PACSIN2: variants seen among roughly 807,000 people sequenced by gnomAD.
PACSIN2 encodes the protein protein kinase C and casein kinase substrate in neurons 2.
A neutral mutation model predicts 63.8 loss-of-function variants in PACSIN2; 25 were observed. The ratio of observed to expected loss-of-function variants is 0.39; its 90% CI spans 0.29 to 0.55. The LOEUF (loss-of-function observed/expected upper bound fraction) is 0.55, where lower values mean the gene tolerates loss of function less well. Ranked by LOEUF, PACSIN2 falls within the 20% of genes least tolerant of loss-of-function variation. The probability of loss-of-function intolerance (pLI) is 0.62; values close to 1 mark genes in which losing one functional copy is unlikely to be tolerated. For synonymous variants in PACSIN2, 255 were observed against 256.2 expected, an observed-to-expected ratio of 1.00 and a Z score of 0.05; for missense variants, 518 against 646.9, an observed-to-expected ratio of 0.80 and a Z score of 2.16.
At chr22:42,982,887 A>AAAAAAAACAAAC (rs200348918) in intron 1 of PACSIN2, among the ~76,000 whole-genome samples, 1 of 129,498 alleles carries the variant, frequency 7.7e-6, no homozygotes, top group Non-Finnish European at 1.7e-5. Context: ...AAAAAAAAAA[A>AAAAAAAACAAAC]AAACAACAAC....
At chr22:42,907,735 CA>C in intron 2 of PACSIN2, among the ~76,000 whole-genome samples, 1 of 152,412 alleles carries the variant, frequency 6.6e-6, no homozygotes, top group East Asian at 1.9e-4. Context: ...GCTCTCCATA[CA>C]ACGCTGGCTC....
At chr22:42,953,372 G>C (rs1601572063) in intron 1 of PACSIN2, among the ~76,000 whole-genome samples, 1 of 152,070 alleles carries the variant, frequency 6.6e-6, no homozygotes, top group African/African-American at 2.4e-5. Flanking sequence ...AATCTCACCA[G>C]AAGAACTACA....
At chr22:42,943,871 T>C (rs113791360) in intron 1 of PACSIN2, among the ~76,000 whole-genome samples, 2 of 152,088 alleles carry the variant, frequency 1.3e-5, no homozygotes, top group Admixed American at 6.5e-5. Flanking sequence ...CAATACAATA[T>C]AGAAAGCAAA....
intron 2 of PACSIN2, among the ~76,000 whole-genome samples, chr22:42,911,572 T>C (rs1016746792): frequency 6.6e-6 from 1 of 152,238 alleles, no homozygotes; most frequent in African/African-American, 2.4e-5. Flanking sequence ...TCCAGCAAGT[T>C]TGAAGGCATT....
intron 1 of PACSIN2, among the ~76,000 whole-genome samples, chr22:42,926,853 A>G (rs1400340262): frequency 6.6e-6 from 1 of 152,112 alleles, no homozygotes; most frequent in East Asian, 1.9e-4. Context: ...TTAAAAAAAA[A>G]AAAATGCTTG....
chr22:42,882,220 G>A lies in PACSIN2; in HGVS notation c.870C>T (p.His290=), dbSNP rs200478218. The A allele has an allele frequency of 2.3e-4, 366 of 1,613,920 alleles. No individual in the cohort carries two copies. Among genetic ancestry groups the A allele is most frequent in the Admixed American group, 5.0e-4 (30 of 60,002 alleles). ...GCCAGTTCATGGCCATGCCCGGCCC[G>A]TGATTGGCTCGGAACCACCTCAGGT... ...VEDLRWFRAN[H]GPGMAMNWPQ... The change falls in exon 7 of 11, where the codon CAC becomes CAT. Residue 290 remains histidine (H), a synonymous_variant. Coordinates refer to ENST00000263246, the MANE Select transcript of PACSIN2 (RefSeq NM_001184970.3).
Position 42,904,506 on chromosome 22 carries a change from G to A in PACSIN2, c.60+7515C>T, listed in dbSNP as rs141578769. The stretch of plus-strand genomic sequence containing the variant: ...GATCACCTGCCCGGTCCCTAAGCTC[G>A]CTGAAGACCTGAGGCTTTTGGCAGA... On this transcript the variant is annotated intron_variant, in intron 2 of 10. Transcript: ENST00000263246. 5.3e-3 allele frequency among the ~76,000 whole-genome samples: 808 copies of A among 152,318 alleles called. 5 individuals carry two copies. Among genetic ancestry groups the A allele is most frequent in the African/African-American group, 0.018 (768 of 41,568 alleles).
chr22:42,891,984 G>A (rs1159725504), intron 3 of PACSIN2, among the ~76,000 whole-genome samples: 1 of 152,190 alleles, frequency 6.6e-6, no homozygotes, highest in Non-Finnish European at 1.5e-5. Context: ...GCACAAGCTT[G>A]AGAACACTGT....
intron 2 of PACSIN2, among the ~76,000 whole-genome samples, chr22:42,893,823 G>T (rs965211267): frequency 1.3e-5 from 2 of 152,112 alleles, no homozygotes; most frequent in Non-Finnish European, 2.9e-5. Flanking sequence ...ATCAGTGAAC[G>T]GGGGCTTCTC....
intron 2 of PACSIN2, among the ~76,000 whole-genome samples, chr22:42,897,282 T>C (rs1273851194): frequency 6.6e-6 from 1 of 152,152 alleles, no homozygotes; most frequent in Non-Finnish European, 1.5e-5. Context: ...CGTATAATAA[T>C]GACTAGTTTT....
intron 1 of PACSIN2, among the ~76,000 whole-genome samples, chr22:42,991,330 G>A (rs1476356107): frequency 6.6e-6 from 1 of 152,094 alleles, no homozygotes. Flanking sequence ...GGTCTCAGCT[G>A]GCTGCAGGTC....
chr22:42,875,152 CT>C (rs34029113), intron 10 of PACSIN2, among the ~76,000 whole-genome samples: 64,549 of 146,486 alleles, frequency 0.44, 14,323 homozygotes, highest in Non-Finnish European at 0.49. Context: ...GCCCAGCCTA[CT>C]TTTTTTTTTT....
At chr22:42,939,292 G>C (rs1933042722) in intron 1 of PACSIN2, among the ~76,000 whole-genome samples, 1 of 152,096 alleles carries the variant, frequency 6.6e-6, no homozygotes, top group Non-Finnish European at 1.5e-5. Context: ...TGTGGAGATG[G>C]AGGCTGAACA....
At chr22:42,886,415 T>TGTAGGTAGGTAGGTAG (rs78395694) in intron 5 of PACSIN2, among the ~76,000 whole-genome samples, 2 of 144,868 alleles carry the variant, frequency 1.4e-5, no homozygotes, top group African/African-American at 2.5e-5. Context: ...ATGGTATGTA[T>TGTAGGTAGGTAGGTAG]GTAGGTAGGT....
intron 1 of PACSIN2, among the ~76,000 whole-genome samples, chr22:42,935,153 C>T (rs1316455406): frequency 6.6e-6 from 1 of 151,744 alleles, no homozygotes; most frequent in Non-Finnish European, 1.5e-5. Flanking sequence ...TCTCGATCTC[C>T]TGACCTCATG....
In PACSIN2 at chr22:42,882,278, T is replaced by C. The variant is rs1929138085; in HGVS notation, c.812A>G (p.Glu271Gly). Reference sequence around the variant, plus strand: ...TGCATCAGCTGCTCTGATGCTCTGCTCCAGGTCATGGTAAATGGCTTTGTA... The same window carrying C: ...TGCATCAGCTGCTCTGATGCTCTGCCCCAGGTCATGGTAAATGGCTTTGTA... ...AGYKAIYHDL[E>G]QSIRAADAVE... Residue 271 changes from glutamate to glycine, a missense_variant, in exon 7 of 11, where the codon GAG becomes GGG. By Grantham distance (98) the Glu-to-Gly change is moderately conservative. This residue lies in a region of PACSIN2 where 507 missense variants were observed against 612.3 expected (regional missense o/e 0.83). Transcript: ENST00000263246. 1 of 1,613,392 alleles carries C rather than the reference T, an allele frequency of 6.2e-7. No homozygotes were observed.
intron 1 of PACSIN2, among the ~76,000 whole-genome samples, chr22:42,949,910 A>T (rs377075858): frequency 1.2e-4 from 18 of 152,208 alleles, no homozygotes; most frequent in East Asian, 7.7e-4. Context: ...AATATTCTAA[A>T]AACATTTACT....
chr22:42,882,378 A>G lies in PACSIN2; in HGVS notation c.786-74T>C. 4 of 1,515,130 alleles carry G rather than the reference A, an allele frequency of 2.6e-6. No homozygotes were observed. In the South Asian group the frequency reaches 5.1e-5, roughly 19 times the overall value. 93.9% of individuals were successfully genotyped at this position (1,515,130 alleles called of 1,614,324 possible). A position where few individuals can be genotyped will look rare whatever the true frequency, so the allele number is the denominator to read the frequency against. On this transcript the variant is annotated intron_variant, in intron 6 of 10. Transcript: ENST00000263246. ...CCTTTGTCCCAGCCCAGTGCCAGCC[A>G]CAGCAGGTCCCGTGGTCTCTGCCCT...
Position 42,952,918 on chromosome 22 carries a change from G to A in PACSIN2, c.-77-40761C>T, listed in dbSNP as rs568109516. ...TGACCTCAAGTGATCCACTGGCCTC[G>A]GCCTCCCACAGTGTTGGGATTACAG... On this transcript the variant is annotated intron_variant, in intron 1 of 10. Transcript: ENST00000263246. Among the ~76,000 whole-genome samples the A allele has an allele frequency of 2.0e-4, 31 of 152,062 alleles. 1 individual carries two copies. The South Asian group carries it at 6.4e-3, about 32-fold the overall frequency.
Sources: gnomAD v4.1 joint callset for allele counts (sites outside exome capture counted in the v4.1 genomes callset) on GRCh38, gnomAD v4.1.1 for gene constraint, gnomAD v4.1.1 regional missense constraint, MANE v1.5 for transcripts, NCBI Gene and HGNC (gene_info 2026-07-23, HGNC 2026-07-21) for gene names.